The following PHEX variants were observed in gnomAD, a reference collection of about 807,000 sequenced individuals.
PHEX encodes phosphate regulating endopeptidase X-linked, also known as phosphate-regulating neutral endopeptidase PHEX.
In PHEX, 16 loss-of-function variants were observed where a neutral mutation model predicts 68.0. That is an observed-to-expected ratio of 0.24 (90% CI 0.16 to 0.36). PHEX has a LOEUF of 0.36. Among genes scored for constraint, PHEX ranks in the 10% least tolerant of loss-of-function variants. The probability of loss-of-function intolerance (pLI) is 1.00; values close to 1 mark genes in which losing one functional copy is unlikely to be tolerated. For missense variants in PHEX, 480 were observed against 575.5 expected, an observed-to-expected ratio of 0.83 and a Z score of 1.70; for synonymous variants, 208 against 205.1, an observed-to-expected ratio of 1.01 and a Z score of -0.12.
At chrX:22,194,644 C>T (rs1934304912) in intron 15 of PHEX, among the ~76,000 whole-genome samples, 1 of 112,480 alleles carries the variant, frequency 8.9e-6, no homozygotes, top group Non-Finnish European at 1.9e-5. Flanking sequence ...AAATCTTCTT[C>T]TGCACGCAAT....
At chrX:22,061,212 T>C (rs747830122) in intron 3 of PHEX, among the ~76,000 whole-genome samples, 127 of 112,184 alleles carry the variant, frequency 1.1e-3, no homozygotes, top group African/African-American at 3.8e-3. Flanking sequence ...ACCTTTACCA[T>C]ACTCTGAATT....
intron 21 of PHEX, among the ~76,000 whole-genome samples, chrX:22,245,814 T>C (rs997356885): frequency 6.2e-5 from 7 of 112,091 alleles, no homozygotes; most frequent in African/African-American, 2.3e-4. Flanking sequence ...CTGCTTACTT[T>C]TTTGTCCAAA....
At chrX:22,116,712 C>G (rs992428250) in intron 11 of PHEX, among the ~76,000 whole-genome samples, 2 of 111,097 alleles carry the variant, frequency 1.8e-5, no homozygotes, top group African/African-American at 6.5e-5. Context: ...TAACACAGGC[C>G]TCCATCACAA....
intron 20 of PHEX, among the ~76,000 whole-genome samples, chrX:22,241,888 A>G (rs906886562): frequency 8.9e-6 from 1 of 112,368 alleles, no homozygotes; most frequent in Non-Finnish European, 1.9e-5. Context: ...AACTATTCCA[A>G]ACAATAGAAA....
chrX:22,131,041 TA>T (rs1046192081), intron 11 of PHEX, among the ~76,000 whole-genome samples: 8 of 110,470 alleles, frequency 7.2e-5, no homozygotes, highest in African/African-American at 2.3e-4. Flanking sequence ...TTGTCAGTAT[TA>T]TTTTTTTTTT....
intron 14 of PHEX, among the ~76,000 whole-genome samples, chrX:22,188,134 A>G (rs189614638): frequency 1.8e-4 from 20 of 112,623 alleles, no homozygotes; most frequent in African/African-American, 6.4e-4. Context: ...ACTAGTATCA[A>G]TAATTGGGTT....
At chrX:22,194,578 G>A (rs368897736) in intron 15 of PHEX, among the ~76,000 whole-genome samples, 3 of 112,679 alleles carry the variant, frequency 2.7e-5, no homozygotes, top group African/African-American at 6.4e-5. Flanking sequence ...ACTTAGTAAC[G>A]TGATTTATGA....
intron 18 of PHEX, among the ~76,000 whole-genome samples, chrX:22,224,881 G>A (rs1250986450): frequency 7.9e-5 from 1 of 12,718 alleles, no homozygotes; most frequent in East Asian, 2.4e-3. Flanking sequence ...TTAAAAGCAA[G>A]GTATATTAGT....
intron 15 of PHEX, among the ~76,000 whole-genome samples, chrX:22,212,315 C>T (rs1934953997): frequency 9.0e-6 from 1 of 111,112 alleles, no homozygotes; most frequent in Non-Finnish European, 1.9e-5. Context: ...GCACTATGGG[C>T]CTGATGGAGT....
intron 9 of PHEX, among the ~76,000 whole-genome samples, chrX:22,109,956 G>A (rs1363753856): frequency 8.9e-6 from 1 of 111,866 alleles, no homozygotes; most frequent in African/African-American, 3.3e-5. Context: ...TGTAAGGTAG[G>A]GATCATCCTC....
chrX:22,176,311 T>C (rs1933691245), intron 13 of PHEX, among the ~76,000 whole-genome samples: 1 of 102,835 alleles, frequency 9.7e-6, no homozygotes, highest in African/African-American at 3.5e-5. Context: ...CGCATGAACC[T>C]GGGAGGTAGA....
intron 7 of PHEX, among the ~76,000 whole-genome samples, chrX:22,095,049 A>G (rs1041954004): frequency 2.7e-5 from 3 of 111,727 alleles, no homozygotes; most frequent in Non-Finnish European, 5.6e-5. Context: ...ATAAGAGTCC[A>G]AATGTTGATT....
At chrX:22,075,430 T>G (rs1929112519) in intron 3 of PHEX, among the ~76,000 whole-genome samples, 1 of 110,533 alleles carries the variant, frequency 9.0e-6, no homozygotes, top group Non-Finnish European at 1.9e-5. Flanking sequence ...GAACATCTGT[T>G]GTACTGTGAT....
intron 12 of PHEX, among the ~76,000 whole-genome samples, chrX:22,162,255 A>G (rs1001141542): frequency 8.9e-6 from 1 of 112,003 alleles, no homozygotes; most frequent in African/African-American, 3.2e-5. Flanking sequence ...ATCTCCTACC[A>G]TGCTCCAAGA....
rs781542537 is a variant in PHEX at position 22,077,618 on chromosome X, G to A, written c.579G>A (p.Thr193=). ...TCAGCCTTCTGCAGACACTTGCAAC[G>A]TTTCGTGGTCAATACAGCAATTCTG... ...RKFSLLQTLA[T]FRGQYSNSVF... Residue 193 remains threonine (T), a synonymous_variant, in exon 5 of 22, where the codon ACG becomes ACA. Transcript: ENST00000379374. 12 of 1,209,193 alleles carry A rather than the reference G, an allele frequency of 9.9e-6. No homozygotes were observed. Among genetic ancestry groups the A allele is most frequent in the Middle Eastern group, 2.3e-4 (1 of 4,376 alleles).
At chrX:22,112,642 C>G (rs1352453685) in intron 10 of PHEX, among the ~76,000 whole-genome samples, 1 of 111,411 alleles carries the variant, frequency 9.0e-6, no homozygotes, top group East Asian at 2.8e-4. Context: ...TGCAGTGGCT[C>G]ACACCTGTAA....
chrX:22,158,773 T>C (rs1933024278), intron 12 of PHEX, among the ~76,000 whole-genome samples: 1 of 112,527 alleles, frequency 8.9e-6, no homozygotes, highest in African/African-American at 3.2e-5. Context: ...CTGATTCTGT[T>C]CTTCCCACCA....
At chrX:22,190,233 A>G (rs745715801) in intron 14 of PHEX, among the ~76,000 whole-genome samples, 11 of 112,205 alleles carry the variant, frequency 9.8e-5, no homozygotes, top group Admixed American at 3.8e-4. Flanking sequence ...GCATGTTAAT[A>G]TATTTTCATT....
intron 21 of PHEX, among the ~76,000 whole-genome samples, chrX:22,245,722 G>A (rs972140088): frequency 9.0e-6 from 1 of 111,590 alleles, no homozygotes; most frequent in Non-Finnish European, 1.9e-5. Context: ...TTCGGAATCC[G>A]AATCATAGCT....
Sources: gnomAD v4.1 joint callset for allele counts (sites outside exome capture counted in the v4.1 genomes callset) on GRCh38, gnomAD v4.1.1 for gene constraint, MANE v1.5 for transcripts, NCBI Gene and HGNC (gene_info 2026-07-23, HGNC 2026-07-21) for gene names.